Variants in THSD4 observed in about 807,000 individuals in gnomAD.
THSD4 encodes the protein thrombospondin type 1 domain containing 4.
A neutral mutation model predicts 119.0 loss-of-function variants in THSD4; 69 were observed. The observed-to-expected ratio is 0.58, with a 90% CI of 0.48 to 0.71. The LOEUF (loss-of-function observed/expected upper bound fraction) is 0.71, where lower values mean the gene tolerates loss of function less well. Among genes scored for constraint, THSD4 ranks in the 30% least tolerant of loss-of-function variants. THSD4 has a pLI of 0.00. For synonymous variants in THSD4, 524 were observed against 540.4 expected (o/e 0.97, Z 0.42); for missense variants, 1,393 against 1,391.1 (o/e 1.00, Z -0.02).
intron 7 of THSD4, among the ~76,000 whole-genome samples, chr15:71,488,524 A>AATGAAACCAGCCAGT (rs1555419553): frequency 3.9e-3 from 1 of 258 alleles, no homozygotes; most frequent in Non-Finnish European, 0.026. Flanking sequence ...GGAAATCTTA[A>AATGAAACCAGCCAGT]TCTCATACTT....
At chr15:71,422,285 A>G (rs1392239301) in intron 7 of THSD4, among the ~76,000 whole-genome samples, 1 of 152,142 alleles carries the variant, frequency 6.6e-6, no homozygotes, top group Non-Finnish European at 1.5e-5. Context: ...GTTTGCTTGT[A>G]CACAGTCTGG....
intron 6 of THSD4, among the ~76,000 whole-genome samples, chr15:71,382,847 T>C (rs1162380251): frequency 6.6e-6 from 1 of 152,210 alleles, no homozygotes; most frequent in Admixed American, 6.5e-5. Flanking sequence ...TATTAAAAAA[T>C]GCAGAAGTAT....
At chr15:71,746,557 G>C (rs1278298420) in intron 12 of THSD4, among the ~76,000 whole-genome samples, 1 of 152,008 alleles carries the variant, frequency 6.6e-6, no homozygotes, top group Non-Finnish European at 1.5e-5. Context: ...ACCACACCCA[G>C]CTAACTTTGG....
At chr15:71,240,593 A>T (rs1214073405) in intron 4 of THSD4, among the ~76,000 whole-genome samples, 1 of 152,086 alleles carries the variant, frequency 6.6e-6, no homozygotes, top group South Asian at 2.1e-4. Flanking sequence ...GCTATTCCAC[A>T]TGTCCATTTC....
intron 7 of THSD4, among the ~76,000 whole-genome samples, chr15:71,614,374 G>C (rs995809510): frequency 2.6e-5 from 4 of 152,174 alleles, no homozygotes; most frequent in Non-Finnish European, 5.9e-5. Flanking sequence ...GCCTTCTGGA[G>C]AATTCTAGTC....
At chr15:71,212,906 G>A (rs1432082365) in intron 3 of THSD4, among the ~76,000 whole-genome samples, 1 of 152,214 alleles carries the variant, frequency 6.6e-6, no homozygotes, top group Non-Finnish European at 1.5e-5. Context: ...ACAGAGCCGG[G>A]CCATTTACAC....
intron 7 of THSD4, among the ~76,000 whole-genome samples, chr15:71,643,547 T>TGA (rs2050908068): frequency 6.6e-6 from 1 of 152,200 alleles, no homozygotes; most frequent in African/African-American, 2.4e-5. Flanking sequence ...CACTTGTAAG[T>TGA]GAGAACATGT....
intron 3 of THSD4, chr15:71,165,013 G>C: frequency 6.3e-7 from 1 of 1,585,266 alleles, no homozygotes; most frequent in Admixed American, 1.7e-5. Context: ...CTGCAGCAGT[G>C]TTATTCCACA....
At chr15:71,452,056 T>G (rs2047272688) in intron 7 of THSD4, among the ~76,000 whole-genome samples, 1 of 152,154 alleles carries the variant, frequency 6.6e-6, no homozygotes, top group Non-Finnish European at 1.5e-5. Flanking sequence ...TCCACCATGG[T>G]CTTCATGAGT....
At chr15:71,410,210 G>GTT (rs530089281) in intron 6 of THSD4, among the ~76,000 whole-genome samples, 1 of 152,156 alleles carries the variant, frequency 6.6e-6, no homozygotes, top group Non-Finnish European at 1.5e-5. Context: ...TCAGAGATTT[G>GTT]TTTAGCATTT....
At position 71,274,115 on chromosome 15, in the gene THSD4, A is replaced by G. The variant is rs138621010; in HGVS notation, c.1015+17400A>G. On this transcript the variant is annotated intron_variant, in intron 6 of 17. Transcript: ENST00000261862. ...GGACACCCTGAGTGACAGTCTCGCC[A>G]AGACTACACACAGAGGGGAGAAGTA... Among the ~76,000 whole-genome samples, 438 of 152,316 alleles carry G rather than the reference A, an allele frequency of 2.9e-3. 2 individuals carry two copies. Among genetic ancestry groups the G allele is most frequent in the African/African-American group, 1.0e-2 (415 of 41,560 alleles).
At chr15:71,159,975 T>C (rs530431179) in intron 3 of THSD4, among the ~76,000 whole-genome samples, 7 of 152,120 alleles carry the variant, frequency 4.6e-5, no homozygotes, top group African/African-American at 1.7e-4. Context: ...CGACCTTTAT[T>C]GTGTTATGGT....
chr15:71,614,858 A>T (rs1177159162), intron 7 of THSD4, among the ~76,000 whole-genome samples: 1 of 152,208 alleles, frequency 6.6e-6, no homozygotes, highest in Non-Finnish European at 1.5e-5. Flanking sequence ...CCTGAAAGGG[A>T]AAGAAGCATC....
intron 7 of THSD4, among the ~76,000 whole-genome samples, chr15:71,486,056 G>C (rs887870272): frequency 6.6e-6 from 1 of 152,108 alleles, no homozygotes; most frequent in Non-Finnish European, 1.5e-5. Flanking sequence ...AATTGCATGA[G>C]TAAGAGGTGA....
intron 7 of THSD4, among the ~76,000 whole-genome samples, chr15:71,440,213 T>G (rs1264961486): frequency 6.6e-6 from 1 of 152,170 alleles, no homozygotes; most frequent in Admixed American, 6.5e-5. Context: ...TTCCAACATT[T>G]GCTTTCCAAA....
intron 7 of THSD4, among the ~76,000 whole-genome samples, chr15:71,486,611 GTTTTTTTTTT>G (rs200120589): frequency 0.17 from 22,045 of 132,070 alleles, 1,679 homozygotes; most frequent in Admixed American, 0.27. Context: ...TTTCTTTTCT[GTTTTTTTTTT>G]TTTTTTTTTT....
intron 7 of THSD4, among the ~76,000 whole-genome samples, chr15:71,496,973 C>A (rs2048026749): frequency 1.3e-5 from 2 of 152,164 alleles, no homozygotes; most frequent in Admixed American, 1.3e-4. Context: ...AATTACCAGC[C>A]AGAGAGAAGG....
intron 14 of THSD4, 51 bp downstream of exon 14, chr15:71,748,645 T>A: frequency 1.3e-6 from 2 of 1,594,300 alleles, no homozygotes; most frequent in South Asian, 1.1e-5. Context: ...GCCAGGTGCC[T>A]CCAAAACCAC....
intron 8 of THSD4, among the ~76,000 whole-genome samples, chr15:71,722,587 C>T (rs957295024): frequency 1.3e-5 from 2 of 151,976 alleles, no homozygotes; most frequent in Admixed American, 1.3e-4. Context: ...TGAATGGGAT[C>T]GTAAGAAGAA....
Sources: gnomAD v4.1 joint callset for allele counts (sites outside exome capture counted in the v4.1 genomes callset) on GRCh38, gnomAD v4.1.1 for gene constraint, MANE v1.5 for transcripts, NCBI Gene and HGNC (gene_info 2026-07-23, HGNC 2026-07-21) for gene names.